ARID1B: variants seen among roughly 807,000 people sequenced by gnomAD.
ARID1B encodes AT-rich interactive domain-containing protein 1B.
Under a neutral mutation model 212.3 loss-of-function variants are expected in ARID1B, and 30 were observed. That is an observed-to-expected ratio of 0.14 (90% CI 0.11 to 0.19). ARID1B has a LOEUF of 0.19. Ranked by LOEUF, ARID1B falls within the 10% of genes least tolerant of loss-of-function variation. The pLI is 1.00. For synonymous variants in ARID1B, 1,402 were observed against 1,301.7 expected, an observed-to-expected ratio of 1.08 and a Z score of -1.66; for missense variants, 2,891 against 3,204.0, an observed-to-expected ratio of 0.90 and a Z score of 2.36.
intron 4 of ARID1B, among the ~76,000 whole-genome samples, chr6:157,015,437 G>A (rs1372517561): frequency 4.6e-5 from 7 of 152,188 alleles, no homozygotes; most frequent in Non-Finnish European, 5.9e-5. Context: ...CAGTCCTGGA[G>A]CTTGGGTGGA....
chr6:157,077,040 A>G (rs1784355697), intron 4 of ARID1B, among the ~76,000 whole-genome samples: 3 of 152,120 alleles, frequency 2.0e-5, no homozygotes, highest in Non-Finnish European at 4.4e-5. Context: ...CTTTCAACTC[A>G]TGTTTTTCAT....
At chr6:156,877,897 G>C (rs1197734699) in intron 2 of ARID1B, among the ~76,000 whole-genome samples, 2 of 151,308 alleles carry the variant, frequency 1.3e-5, no homozygotes, top group African/African-American at 4.9e-5. Context: ...TGTATTTTTA[G>C]TAGAGACACG....
intron 7 of ARID1B, among the ~76,000 whole-genome samples, chr6:157,135,337 C>T (rs187992962): frequency 3.9e-5 from 6 of 152,290 alleles, no homozygotes; most frequent in East Asian, 1.9e-4. Context: ...TTTACTGTTA[C>T]GGTAGCCCAC....
At chr6:157,087,428 G>A (rs1477532479) in intron 5 of ARID1B, among the ~76,000 whole-genome samples, 2 of 152,122 alleles carry the variant, frequency 1.3e-5, no homozygotes, top group African/African-American at 4.8e-5. Context: ...GCCTCTCTGT[G>A]CCTCAGTTTC....
chr6:157,053,562 A>G (rs1317077687), intron 4 of ARID1B, among the ~76,000 whole-genome samples: 1 of 152,248 alleles, frequency 6.6e-6, no homozygotes. Flanking sequence ...CTAGGCAATT[A>G]TTCAATCCTG....
At chr6:156,957,715 C>T (rs1049213251) in intron 4 of ARID1B, among the ~76,000 whole-genome samples, 1 of 152,048 alleles carries the variant, frequency 6.6e-6, no homozygotes, top group Non-Finnish European at 1.5e-5. Flanking sequence ...CCACGAGTCT[C>T]AAATAATTTC....
rs915639171 is a variant in ARID1B, at chr6:157,110,852, C to G, written c.2581+291C>G. 6 of 446,014 alleles carry G rather than the reference C, an allele frequency of 1.3e-5. 1 individual carries two copies. The highest frequency in any genetic ancestry group is 2.5e-5 in the Non-Finnish European group (6 of 244,418). The allele number at this position is 446,014 out of a possible 1,614,324, so 27.6% of individuals were successfully genotyped here. ...ATATGACTGTAGTCTGGTATTTGGT[C>G]TAGCTGTGTAAAAATAACTGTGAAT... is the stretch of plus-strand genomic sequence containing the variant. On this transcript the variant is annotated intron_variant, in intron 6 of 19. Transcript: ENST00000636930.
rs78333945 is a variant in ARID1B, at chr6:156,924,053, T to C, written c.2137-11413T>C. Among the ~76,000 whole-genome samples the C allele has an allele frequency of 7.2e-5, 11 of 152,324 alleles. No homozygotes were observed. The East Asian group carries it at 1.9e-3, about 27-fold the overall frequency. On this transcript the variant is annotated intron_variant, in intron 3 of 19. Coordinates refer to ENST00000636930, the MANE Select transcript of ARID1B (RefSeq NM_001374828.1). The stretch of plus-strand genomic sequence containing the variant: ...ACAATAGCTGACATCTGTGAACATT[T>C]AAATGGCACCAGGCACAGTGCTAAT...
intron 5 of ARID1B, among the ~76,000 whole-genome samples, chr6:157,106,546 A>T (rs900753913): frequency 1.3e-5 from 2 of 152,190 alleles, no homozygotes; most frequent in Non-Finnish European, 2.9e-5. Context: ...AACCCTGTTG[A>T]AATGTCAGGC....
At chr6:156,856,719 CA>C (rs1784973090) in intron 2 of ARID1B, among the ~76,000 whole-genome samples, 1 of 147,488 alleles carries the variant, frequency 6.8e-6, no homozygotes, top group African/African-American at 2.7e-5. Context: ...CACACACACA[CA>C]CACACACACA....
chr6:157,158,508 T>C lies in ARID1B; in HGVS notation c.3090-8532T>C, dbSNP rs546238906. The stretch of plus-strand genomic sequence containing the variant: ...AGGCATGAGAGTTAGATAGAACGCA[T>C]GTAAGATAGATGTGTGCTTCCCCCT... On this transcript the variant is annotated intron_variant, in intron 8 of 19. Transcript: ENST00000636930. Among the ~76,000 whole-genome samples the C allele has an allele frequency of 8.5e-5, 13 of 152,308 alleles. No homozygotes were observed. In the South Asian group the frequency reaches 2.7e-3, roughly 32 times the overall value.
At chr6:157,143,771 C>T (rs1373970323) in intron 7 of ARID1B, among the ~76,000 whole-genome samples, 1 of 152,182 alleles carries the variant, frequency 6.6e-6, no homozygotes, top group Non-Finnish European at 1.5e-5. Flanking sequence ...TTTGTCCAGG[C>T]ACGTGAGTCT....
intron 2 of ARID1B, among the ~76,000 whole-genome samples, chr6:156,896,159 A>G (rs1452280522): frequency 6.6e-6 from 1 of 152,216 alleles, no homozygotes; most frequent in Non-Finnish European, 1.5e-5. Context: ...TGTCAATTGT[A>G]GTAGACAGGA....
chr6:156,897,234 C>CTTATTA (rs1562468371), intron 2 of ARID1B, among the ~76,000 whole-genome samples: 3 of 91,738 alleles, frequency 3.3e-5, no homozygotes, highest in African/African-American at 1.3e-4. Flanking sequence ...TCTTCTTCTT[C>CTTATTA]TTCTTCTTCT....
At chr6:156,820,604 C>G (rs1409181215) in intron 1 of ARID1B, among the ~76,000 whole-genome samples, 1 of 152,218 alleles carries the variant, frequency 6.6e-6, no homozygotes, top group African/African-American at 2.4e-5. Flanking sequence ...ACCAGCAACA[C>G]TGCGAGGTGA....
At chr6:156,899,172 GTC>G (rs1788724705) in intron 2 of ARID1B, among the ~76,000 whole-genome samples, 1 of 152,232 alleles carries the variant, frequency 6.6e-6, no homozygotes. Flanking sequence ...TAGGAAGGCA[GTC>G]CTGTTTGACA....
At chr6:156,832,490 T>C (rs577000084) in intron 2 of ARID1B, among the ~76,000 whole-genome samples, 12 of 152,318 alleles carry the variant, frequency 7.9e-5, no homozygotes, top group African/African-American at 2.9e-4. Flanking sequence ...CTGTGTTTGG[T>C]TTGTGAACCT....
At chr6:156,852,037 C>T (rs1476963935) in intron 2 of ARID1B, among the ~76,000 whole-genome samples, 1 of 152,114 alleles carries the variant, frequency 6.6e-6, no homozygotes, top group African/African-American at 2.4e-5. Flanking sequence ...AGTTATATTT[C>T]TATTCTTTAC....
At chr6:156,861,407 G>A (rs894455539) in intron 2 of ARID1B, among the ~76,000 whole-genome samples, 1 of 152,020 alleles carries the variant, frequency 6.6e-6, no homozygotes, top group Non-Finnish European at 1.5e-5. Flanking sequence ...CGAGGAATTC[G>A]AGAGCAGCCT....
Sources: gnomAD v4.1 joint callset for allele counts (sites outside exome capture counted in the v4.1 genomes callset) on GRCh38, gnomAD v4.1.1 for gene constraint, MANE v1.5 for transcripts, NCBI Gene and HGNC (gene_info 2026-07-23, HGNC 2026-07-21) for gene names.